Variants in MYO3B observed in about 807,000 individuals in gnomAD.
The protein encoded by MYO3B is myosin IIIB.
MYO3B carries 156 observed loss-of-function variants against 174.6 expected under a neutral mutation model. The ratio of observed to expected loss-of-function variants is 0.89; its 90% CI spans 0.78 to 1.02. The LOEUF is 1.02. Among genes scored for constraint, MYO3B ranks in the 50% least tolerant of loss-of-function variants. The pLI, the probability that MYO3B is intolerant of heterozygous loss-of-function variation, is 0.00. For synonymous variants in MYO3B, 563 were observed against 569.1 expected (o/e 0.99, Z 0.15); for missense variants, 1,632 against 1,639.4 (o/e 1.00, Z 0.08).
chr2:170,194,619 G>A (rs897398175), intron 1 of MYO3B, among the ~76,000 whole-genome samples: 4 of 152,012 alleles, frequency 2.6e-5, no homozygotes, highest in East Asian at 1.9e-4. Flanking sequence ...ATTTGGTTTT[G>A]GTTTTGTGTG....
chr2:170,469,284 T>C (rs1346664418), intron 25 of MYO3B, among the ~76,000 whole-genome samples: 1 of 152,208 alleles, frequency 6.6e-6, no homozygotes, highest in East Asian at 1.9e-4. Flanking sequence ...AGATGTTTCC[T>C]CACCTGCATG....
intron 32 of MYO3B, among the ~76,000 whole-genome samples, chr2:170,639,410 G>A (rs1393818319): frequency 6.6e-6 from 1 of 152,180 alleles, no homozygotes; most frequent in African/African-American, 2.4e-5. Flanking sequence ...CTCCCGTGCT[G>A]GATCAAGGTT....
At chr2:170,636,885 C>G (rs1697530334) in intron 32 of MYO3B, among the ~76,000 whole-genome samples, 1 of 151,734 alleles carries the variant, frequency 6.6e-6, no homozygotes. Flanking sequence ...CATTTGGAAA[C>G]TTAAAATTAC....
chr2:170,444,233 C>T (rs961995862), intron 23 of MYO3B, among the ~76,000 whole-genome samples, 187 bp downstream of exon 23: 4 of 152,166 alleles, frequency 2.6e-5, no homozygotes, highest in Non-Finnish European at 4.4e-5. Context: ...TCCTTACAAT[C>T]CTGATTCTCA....
intron 25 of MYO3B, among the ~76,000 whole-genome samples, chr2:170,475,072 A>G (rs2105993221): frequency 6.6e-6 from 1 of 152,250 alleles, no homozygotes; most frequent in South Asian, 2.1e-4. Flanking sequence ...GCTCCACTTC[A>G]CTAAGGGATT....
chr2:170,626,792 C>T (rs973307473), intron 32 of MYO3B, among the ~76,000 whole-genome samples: 5 of 152,296 alleles, frequency 3.3e-5, no homozygotes, highest in African/African-American at 1.2e-4. Flanking sequence ...GATTTTATTT[C>T]TCCTTCACTT....
intron 25 of MYO3B, among the ~76,000 whole-genome samples, chr2:170,480,533 C>T (rs1292508575): frequency 6.6e-6 from 1 of 152,136 alleles, no homozygotes; most frequent in Admixed American, 6.5e-5. Context: ...AGAGCTGCTC[C>T]AGCAAATTAA....
At chr2:170,424,829 C>G (rs1373841261) in intron 22 of MYO3B, among the ~76,000 whole-genome samples, 1 of 152,060 alleles carries the variant, frequency 6.6e-6, no homozygotes, top group Non-Finnish European at 1.5e-5. Flanking sequence ...AATGATCCTG[C>G]TAAGTATAGA....
chr2:170,404,364 AG>A lies in MYO3B; in HGVS notation c.2396del (p.Ser799IlefsTer66), dbSNP rs753240808. 1.9e-6 allele frequency: 3 copies of A among 1,613,742 alleles called. No individual in the cohort carries two copies. The highest frequency in any genetic ancestry group is 2.5e-6 in the Non-Finnish European group (3 of 1,179,860). ...LGLLALLDEE[S>X]RFPQATDQTL... ...ACTGCTTGCACTTTTGGATGAGGAA[AG>A]TCGGTTTCCCCAAGCAACTGACCAG... On this transcript the variant is annotated frameshift_variant, in exon 20 of 35. Transcript: ENST00000408978. LOFTEE classifies it high-confidence loss of function.
intron 23 of MYO3B, among the ~76,000 whole-genome samples, chr2:170,444,838 C>A (rs1410741767): frequency 6.6e-6 from 1 of 152,176 alleles, no homozygotes; most frequent in African/African-American, 2.4e-5. Flanking sequence ...TACATTTCAA[C>A]CTTGCTACTT....
chr2:170,470,265 A>G (rs1214782600), intron 25 of MYO3B, among the ~76,000 whole-genome samples: 1 of 152,124 alleles, frequency 6.6e-6, no homozygotes, highest in Non-Finnish European at 1.5e-5. Flanking sequence ...TTTCTCCTCA[A>G]TCCCACCAAA....
intron 22 of MYO3B, among the ~76,000 whole-genome samples, chr2:170,441,412 G>A (rs916533562): frequency 6.6e-6 from 1 of 152,178 alleles, no homozygotes; most frequent in Admixed American, 6.5e-5. Context: ...TTACTGGAAA[G>A]GGATCCCAAT....
At chr2:170,466,812 A>T in intron 25 of MYO3B, 101 bp downstream of exon 25, 1 of 1,219,240 alleles carries the variant, frequency 8.2e-7, no homozygotes, top group Middle Eastern at 2.7e-4. Context: ...TCCTCCAAAC[A>T]TGTAATTGGC....
chr2:170,421,654 T>C (rs6742131), intron 22 of MYO3B, among the ~76,000 whole-genome samples: 148,978 of 152,300 alleles, frequency 0.98, 72,933 homozygotes, highest in East Asian at 1. Flanking sequence ...TGCCCTTGTC[T>C]TGGCCTCATC....
intron 1 of MYO3B, among the ~76,000 whole-genome samples, chr2:170,183,969 T>C (rs1375458537): frequency 6.6e-6 from 1 of 152,134 alleles, no homozygotes; most frequent in East Asian, 1.9e-4. Context: ...AATGGGAAAA[T>C]CATAGTAATA....
At chr2:170,271,603 C>T (rs898489459) in intron 7 of MYO3B, among the ~76,000 whole-genome samples, 1 of 152,166 alleles carries the variant, frequency 6.6e-6, no homozygotes, top group Non-Finnish European at 1.5e-5. Flanking sequence ...ACAACGTGGC[C>T]TAATGGCTGA....
At chr2:170,291,044 T>A (rs1265659052) in intron 7 of MYO3B, among the ~76,000 whole-genome samples, 1 of 151,478 alleles carries the variant, frequency 6.6e-6, no homozygotes, top group Non-Finnish European at 1.5e-5. Context: ...GAGTCAGGAG[T>A]TCGAGACCAG....
chr2:170,413,988 C>T (rs895924647), intron 22 of MYO3B, among the ~76,000 whole-genome samples: 26 of 151,622 alleles, frequency 1.7e-4, no homozygotes, highest in Non-Finnish European at 2.9e-5. Context: ...TGCAGTGAGC[C>T]GAGATCACGC....
At chr2:170,293,499 T>C (rs146219618) in intron 7 of MYO3B, among the ~76,000 whole-genome samples, 94 of 152,304 alleles carry the variant, frequency 6.2e-4, no homozygotes, top group Admixed American at 1.2e-3. Flanking sequence ...GGTAATACTC[T>C]GTCAGATTAT....
Sources: allele counts gnomAD v4.1 joint callset (sites outside exome capture counted in the v4.1 genomes callset), GRCh38; gene constraint gnomAD v4.1.1; transcripts MANE v1.5; gene names NCBI Gene and HGNC (gene_info 2026-07-23, HGNC 2026-07-21).